The following SLC35F3 variants were observed in gnomAD, a reference collection of about 807,000 sequenced individuals.
The protein encoded by SLC35F3 is putative thiamine transporter SLC35F3.
SLC35F3 carries 25 observed loss-of-function variants against 49.9 expected under a neutral mutation model. The ratio of observed to expected loss-of-function variants is 0.50; its 90% CI spans 0.37 to 0.70. SLC35F3 has a LOEUF of 0.70. Ranked by LOEUF, SLC35F3 falls within the 30% of genes least tolerant of loss-of-function variation. The pLI is 0.00. For synonymous variants in SLC35F3, 275 were observed against 265.4 expected (o/e 1.04, Z -0.35); for missense variants, 525 against 639.8 (o/e 0.82, Z 1.94).
chr1:234,157,611 A>AG (rs1328150193), intron 2 of SLC35F3, among the ~76,000 whole-genome samples: 1 of 152,236 alleles, frequency 6.6e-6, no homozygotes. Flanking sequence ...TTCAGCATCC[A>AG]TGTCTTCACA....
In SLC35F3 at chr1:234,214,589, C is replaced by A. The variant is rs1189970157; in HGVS notation, c.284-16828C>A. 2 of 1,528,648 alleles carry A rather than the reference C, an allele frequency of 1.3e-6. No individual in the cohort carries two copies. Among genetic ancestry groups the A allele is most frequent in the South Asian group, 1.2e-5 (1 of 81,194 alleles). The allele number at this position is 1,528,648 out of a possible 1,614,324, so 94.7% of individuals were successfully genotyped here. A position where few individuals can be genotyped will look rare whatever the true frequency, so the allele number is the denominator to read the frequency against. ...CAAAGTGGAAGGTAATGCGCGGCCG[C>A]CTCGCCCCGGGGGTCCCTGCACCCT... On this transcript the variant is annotated intron_variant, in intron 2 of 7. Coordinates refer to ENST00000366618, the MANE Select transcript of SLC35F3 (RefSeq NM_173508.4). This position sits in a 1 kb window ranked among gnomAD's most constrained non-coding sequence, Gnocchi z 8.0.
chr1:233,932,150 G>T (rs1348282870), intron 2 of SLC35F3, among the ~76,000 whole-genome samples: 1 of 152,076 alleles, frequency 6.6e-6, no homozygotes, highest in African/African-American at 2.4e-5. Flanking sequence ...CTGTCTGGGG[G>T]TGGGGGGCTA....
In SLC35F3 at chr1:234,117,920, G is replaced by A. The variant is rs1665514955; in HGVS notation, c.284-113497G>A. 4.3e-3 allele frequency among the ~76,000 whole-genome samples: 4 copies of A among 934 alleles called. 1 individual carries two copies. The highest frequency in any genetic ancestry group is 0.032 in the Admixed American group (3 of 94). 0.6% of individuals were successfully genotyped at this position (934 alleles called of 152,430 possible). On this transcript the variant is annotated intron_variant, in intron 2 of 7. Transcript: ENST00000366618. ...AAAAAAAAAGACTATATATGTGTGT[G>A]TGTGTGTGTGTGTGTGTGTGTGTGT...
intron 3 of SLC35F3, among the ~76,000 whole-genome samples, chr1:234,248,315 T>TTTGGTGGGTTGGTTGGTTGGTCCATTGC (rs1474957399): frequency 8.8e-6 from 1 of 113,572 alleles, no homozygotes; most frequent in Non-Finnish European, 1.9e-5. Context: ...TGGTCCATTG[T>TTTGGTGGGTTGGTTGGTTGGTCCATTGC]TTGGTGGGTT....
chr1:234,170,929 C>A (rs1001738194), intron 2 of SLC35F3, among the ~76,000 whole-genome samples: 2 of 152,154 alleles, frequency 1.3e-5, no homozygotes, highest in East Asian at 3.9e-4. Context: ...GCCAAGAGCA[C>A]AATTAAGAAA....
At chr1:233,975,798 G>A (rs1192932678) in intron 2 of SLC35F3, among the ~76,000 whole-genome samples, 2 of 152,198 alleles carry the variant, frequency 1.3e-5, no homozygotes, top group Admixed American at 6.5e-5. Flanking sequence ...CAGCTCGGAG[G>A]TGCAGGTTGC....
At chr1:233,959,442 G>A (rs1662757669) in intron 2 of SLC35F3, among the ~76,000 whole-genome samples, 1 of 152,168 alleles carries the variant, frequency 6.6e-6, no homozygotes, top group African/African-American at 2.4e-5. Flanking sequence ...CAGGGGAAAA[G>A]CATTTCATGG....
chr1:234,200,796 C>A lies in SLC35F3; in HGVS notation c.284-30621C>A, dbSNP rs367803878. Among the ~76,000 whole-genome samples, 10 of 152,290 alleles carry A rather than the reference C, an allele frequency of 6.6e-5. No individual in the cohort carries two copies. The East Asian group carries it at 7.7e-4, about 12-fold the overall frequency. The stretch of plus-strand genomic sequence containing the variant: ...GCAGGTCCCATCAATCTAAAATACT[C>A]TCGGCTTCATTGCAGCTGCAGCTGC... On this transcript the variant is annotated intron_variant, in intron 2 of 7. Transcript: ENST00000366618.
intron 3 of SLC35F3, among the ~76,000 whole-genome samples, chr1:234,247,167 CAAAAA>C (rs1366079205): frequency 6.6e-6 from 1 of 151,810 alleles, no homozygotes; most frequent in Non-Finnish European, 1.5e-5. Context: ...GTGCTTGAAA[CAAAAA>C]AAGAAGAGAA....
In SLC35F3 at chr1:234,231,360, C is replaced by T. The variant is rs189339075; in HGVS notation, c.284-57C>T. 9.4e-4 allele frequency: 1,293 copies of T among 1,370,322 alleles called. 19 individuals carry two copies. The East Asian group carries it at 0.029, about 30-fold the overall frequency. 84.9% of individuals were successfully genotyped at this position (1,370,322 alleles called of 1,614,324 possible). Reference sequence around the variant, plus strand: ...ACAATGGCTGCAGGGCAGCGCCCTGCGAAGTGCAGGGGTGAAGGTCTGCAG... The same window carrying T: ...ACAATGGCTGCAGGGCAGCGCCCTGTGAAGTGCAGGGGTGAAGGTCTGCAG... On this transcript the variant is annotated intron_variant, in intron 2 of 7. Coordinates refer to ENST00000366618, the MANE Select transcript of SLC35F3 (RefSeq NM_173508.4). The surrounding 1 kb of genome is among the most constrained non-coding windows in gnomAD (Gnocchi z 5.4).
At chr1:234,077,972 C>CAGTTTG (rs1249789106) in intron 2 of SLC35F3, among the ~76,000 whole-genome samples, 1 of 152,176 alleles carries the variant, frequency 6.6e-6, no homozygotes, top group African/African-American at 2.4e-5. Context: ...TACTTCAGCT[C>CAGTTTG]TCCACCACTG....
chr1:234,292,316 T>A (rs532866132), intron 3 of SLC35F3, among the ~76,000 whole-genome samples: 1 of 152,376 alleles, frequency 6.6e-6, no homozygotes, highest in Admixed American at 6.5e-5. Flanking sequence ...ATTCTGGGCT[T>A]GCATAGACAA....
At chr1:234,177,076 A>G (rs1441665022) in intron 2 of SLC35F3, among the ~76,000 whole-genome samples, 1 of 152,198 alleles carries the variant, frequency 6.6e-6, no homozygotes, top group Non-Finnish European at 1.5e-5. Context: ...TGAGTGAATC[A>G]TGCAGGTAGG....
chr1:234,003,469 A>G (rs1663583114), intron 2 of SLC35F3, among the ~76,000 whole-genome samples: 1 of 152,228 alleles, frequency 6.6e-6, no homozygotes. Flanking sequence ...TGAGCCATAC[A>G]AAACAAAGTT....
intron 2 of SLC35F3, among the ~76,000 whole-genome samples, chr1:234,205,354 C>G (rs543919330): frequency 6.6e-6 from 1 of 152,244 alleles, no homozygotes; most frequent in South Asian, 2.1e-4. Context: ...AGGTGGTAGC[C>G]CAAGAGACAG....
intron 2 of SLC35F3, among the ~76,000 whole-genome samples, chr1:234,020,254 G>C (rs1198333616): frequency 6.6e-6 from 1 of 152,032 alleles, no homozygotes; most frequent in Non-Finnish European, 1.5e-5. Context: ...TTTTGTTTCT[G>C]TTGGTTTATT....
chr1:234,122,743 G>C (rs1665594555), intron 2 of SLC35F3, among the ~76,000 whole-genome samples: 1 of 152,154 alleles, frequency 6.6e-6, no homozygotes, highest in South Asian at 2.1e-4. Context: ...GTGTTAGTCT[G>C]CTGAGAATGA....
chr1:234,285,812 G>A (rs959162041), intron 3 of SLC35F3, among the ~76,000 whole-genome samples: 9 of 152,160 alleles, frequency 5.9e-5, no homozygotes, highest in African/African-American at 2.2e-4. Flanking sequence ...CTGTGTAACT[G>A]AACTCCAGCA....
chr1:233,918,844 TTGTG>T (rs1662015572), intron 2 of SLC35F3, among the ~76,000 whole-genome samples: 1 of 150,094 alleles, frequency 6.7e-6, no homozygotes, highest in Non-Finnish European at 1.5e-5. Context: ...ATTTGTGTGT[TTGTG>T]TGTGTGTGTT....
Sources: allele counts gnomAD v4.1 joint callset (sites outside exome capture counted in the v4.1 genomes callset), GRCh38; gene constraint gnomAD v4.1.1; non-coding constraint Gnocchi (gnomAD v3.1); transcripts MANE v1.5; gene names NCBI Gene and HGNC (gene_info 2026-07-23, HGNC 2026-07-21).